TPD52: variants seen among roughly 807,000 people sequenced by gnomAD.
The protein encoded by TPD52 is prostate and colon associated protein.
TPD52 carries 17 observed loss-of-function variants against 31.3 expected under a neutral mutation model. The observed-to-expected ratio is 0.54, with a 90% CI of 0.37 to 0.82. TPD52 has a LOEUF of 0.82. Ranked by LOEUF, TPD52 falls within the 40% of genes least tolerant of loss-of-function variation. The pLI is 0.00. For missense variants in TPD52, 212 were observed against 240.1 expected, an observed-to-expected ratio of 0.88 and a Z score of 0.77; for synonymous variants, 83 against 89.6, an observed-to-expected ratio of 0.93 and a Z score of 0.42.
At chr8:80,055,962 A>G (rs932329630) in intron 2 of TPD52, among the ~76,000 whole-genome samples, 1 of 152,218 alleles carries the variant, frequency 6.6e-6, no homozygotes, top group Non-Finnish European at 1.5e-5. Flanking sequence ...TACAGCCACT[A>G]TGAAAAACAG....
intron 1 of TPD52, among the ~76,000 whole-genome samples, chr8:80,142,636 A>G (rs954535573): frequency 1.3e-5 from 2 of 152,104 alleles, no homozygotes; most frequent in Admixed American, 1.3e-4. Flanking sequence ...CAGGAGGTGG[A>G]GGTTGAAGTG....
intron 1 of TPD52, among the ~76,000 whole-genome samples, chr8:80,107,238 T>C (rs1807198466): frequency 6.6e-6 from 1 of 152,246 alleles, no homozygotes; most frequent in Non-Finnish European, 1.5e-5. Flanking sequence ...AATCTGTTAC[T>C]AATTTCAAAG....
chr8:80,092,147 G>A (rs1039511736), intron 1 of TPD52, among the ~76,000 whole-genome samples: 7 of 152,116 alleles, frequency 4.6e-5, no homozygotes, highest in African/African-American at 7.2e-5. Flanking sequence ...TCGAGTATTC[G>A]TCATTTCTGT....
chr8:80,050,453 AT>A lies in TPD52; in HGVS notation c.404del (p.His135LeufsTer17). The A allele has an allele frequency of 6.2e-7, 1 of 1,607,318 alleles. No individual in the cohort carries two copies. The highest frequency in any genetic ancestry group is 2.2e-5 in the East Asian group (1 of 44,760). ...GTTCAAACTCTCCTTACCTAAAGGA[AT>A]GTGAAAAGGCTTGCAATCTGTAAGA... is the stretch of plus-strand genomic sequence containing the variant. ...LEDVKLQAFS[H>X]SFSIRSIQHS... is the part of the protein sequence containing the mutation. On this transcript the variant is annotated frameshift_variant, in exon 5 of 8. Transcript: ENST00000518937. LOFTEE classifies it high-confidence loss of function.
At chr8:80,155,729 C>A (rs1322774682) in intron 1 of TPD52, among the ~76,000 whole-genome samples, 1 of 151,744 alleles carries the variant, frequency 6.6e-6, no homozygotes, top group Non-Finnish European at 1.5e-5. Context: ...ACTAAAAATA[C>A]AAAATTAGCC....
At chr8:80,034,295 AGCTGCAGCTGGGTG>A (rs1461628684), downstream of TPD52, among the ~76,000 whole-genome samples, 1 of 151,558 alleles carries the variant, frequency 6.6e-6, no homozygotes, top group Non-Finnish European at 1.5e-5. Context: ...CTGGATCTGG[AGCTGCAGCTGGGTG>A]GCTGCAGCTG....
intron 1 of TPD52, among the ~76,000 whole-genome samples, chr8:80,106,338 TTTA>T (rs1212419386): frequency 6.6e-6 from 1 of 151,984 alleles, no homozygotes. Context: ...AAACAGTAGG[TTTA>T]TTGTTGTTGT....
At chr8:80,151,919 T>C (rs181445281) in intron 1 of TPD52, among the ~76,000 whole-genome samples, 1 of 152,328 alleles carries the variant, frequency 6.6e-6, no homozygotes, top group African/African-American at 2.4e-5. Context: ...CTAAATGAAT[T>C]AGAAAGCAAA....
At chr8:80,031,527 T>C (rs1809692846), downstream of TPD52, among the ~76,000 whole-genome samples, 1 of 152,036 alleles carries the variant, frequency 6.6e-6, no homozygotes, top group African/African-American at 2.4e-5. Context: ...GGAGAAAGTG[T>C]GGTAAATTGT....
rs549541041 is a variant in TPD52, at chr8:80,123,982, A to G, written c.19+47443T>C. Among the ~76,000 whole-genome samples, 33 of 152,352 alleles carry G rather than the reference A, an allele frequency of 2.2e-4. 1 individual carries two copies. The South Asian group carries it at 6.8e-3, about 32-fold the overall frequency. On this transcript the variant is annotated intron_variant, in intron 1 of 7. Coordinates refer to ENST00000518937, the MANE Select transcript of TPD52 (RefSeq NM_001025253.3). Reference sequence around the variant, plus strand: ...TGGTGATTATCAGCGACAGCATGTCAGGAAACTCACAAAGGAAAAGCCTAA... The same window carrying G: ...TGGTGATTATCAGCGACAGCATGTCGGGAAACTCACAAAGGAAAAGCCTAA...
chr8:80,062,264 T>C (rs1490834038), intron 2 of TPD52, among the ~76,000 whole-genome samples: 4 of 152,156 alleles, frequency 2.6e-5, no homozygotes, highest in Non-Finnish European at 4.4e-5. Flanking sequence ...AACCTATACA[T>C]CTATGGTTAA....
At chr8:80,143,834 T>C (rs1362296280) in intron 1 of TPD52, among the ~76,000 whole-genome samples, 2 of 152,202 alleles carry the variant, frequency 1.3e-5, no homozygotes, top group Non-Finnish European at 2.9e-5. Flanking sequence ...CATTCCACCA[T>C]ATTAAACATC....
At chr8:80,052,754 G>T in intron 3 of TPD52, 2 of 1,033,868 alleles carry the variant, frequency 1.9e-6, no homozygotes, top group Admixed American at 2.4e-5. Context: ...AAGCCTAAGG[G>T]ATTGACCTCT....
At chr8:80,117,552 C>A (rs1224226200) in intron 1 of TPD52, among the ~76,000 whole-genome samples, 7 of 152,020 alleles carry the variant, frequency 4.6e-5, no homozygotes, top group Non-Finnish European at 1.0e-4. Flanking sequence ...GTGGAGATGA[C>A]AATACCTCTC....
At chr8:80,079,554 T>C (rs993367869) in intron 1 of TPD52, among the ~76,000 whole-genome samples, 2 of 152,220 alleles carry the variant, frequency 1.3e-5, no homozygotes, top group African/African-American at 4.8e-5. Flanking sequence ...TGACCTGTTC[T>C]TCATTAATAA....
chr8:80,154,367 T>G (rs1563665947), intron 1 of TPD52, among the ~76,000 whole-genome samples: 1 of 152,128 alleles, frequency 6.6e-6, no homozygotes. Context: ...AGTCGAACCC[T>G]CCCTGGTGGC....
intron 1 of TPD52, among the ~76,000 whole-genome samples, chr8:80,153,197 G>T (rs1473315913): frequency 6.6e-6 from 1 of 152,164 alleles, no homozygotes; most frequent in South Asian, 2.1e-4. Flanking sequence ...ATTACTTCAA[G>T]TGCAGGAAAA....
At chr8:80,064,383 A>G (rs911363571) in intron 2 of TPD52, 95 bp downstream of exon 2, 8 of 988,834 alleles carry the variant, frequency 8.1e-6, no homozygotes, top group Non-Finnish European at 1.3e-5. Context: ...TCTCCCCTGG[A>G]ACTAACTATA....
intron 5 of TPD52, among the ~76,000 whole-genome samples, chr8:80,044,720 A>G (rs1810681752): frequency 6.6e-6 from 1 of 152,176 alleles, no homozygotes; most frequent in Admixed American, 6.5e-5. Context: ...ACTCTTAGCC[A>G]TCTCCCATAA....
Sources: gnomAD v4.1 joint callset for allele counts (sites outside exome capture counted in the v4.1 genomes callset) on GRCh38, gnomAD v4.1.1 for gene constraint, MANE v1.5 for transcripts, NCBI Gene and HGNC (gene_info 2026-07-23, HGNC 2026-07-21) for gene names.